The following IMMP2L variants were observed in gnomAD, a reference collection of about 807,000 sequenced individuals.
The protein encoded by IMMP2L is mitochondrial inner membrane protease subunit 2.
In IMMP2L, 18 loss-of-function variants were observed where a neutral mutation model predicts 19.3. The ratio of observed to expected loss-of-function variants is 0.93; its 90% CI spans 0.64 to 1.38. The LOEUF is 1.38. IMMP2L is among the 40% of genes most tolerant of loss of function. The pLI, the probability that IMMP2L is intolerant of heterozygous loss-of-function variation, is 0.00. For missense variants in IMMP2L, 233 were observed against 218.2 expected (o/e 1.07, Z -0.43); for synonymous variants, 76 against 73.0 (o/e 1.04, Z -0.21).
intron 5 of IMMP2L, among the ~76,000 whole-genome samples, chr7:110,731,226 A>T (rs1481854219): frequency 1.3e-5 from 2 of 152,196 alleles, no homozygotes; most frequent in Non-Finnish European, 2.9e-5. Context: ...AATCTAGAGA[A>T]ACCTATAAAA....
intron 3 of IMMP2L, among the ~76,000 whole-genome samples, chr7:110,990,932 T>C (rs1822385110): frequency 1.3e-5 from 2 of 152,198 alleles, no homozygotes; most frequent in Admixed American, 6.5e-5. Context: ...TTGGCACCTT[T>C]TATTAATAGC....
intron 3 of IMMP2L, among the ~76,000 whole-genome samples, chr7:111,086,871 A>C (rs777283940): frequency 5.9e-4 from 90 of 152,360 alleles, no homozygotes; most frequent in Non-Finnish European, 8.7e-4. Flanking sequence ...GTATAAAAGC[A>C]ACCACTGTCT....
At chr7:111,470,942 A>C (rs1841203841) in intron 3 of IMMP2L, among the ~76,000 whole-genome samples, 1 of 151,920 alleles carries the variant, frequency 6.6e-6, no homozygotes. Context: ...CAAAGCATAC[A>C]AAGCTAAAAC....
At chr7:111,079,625 T>C (rs1178980515) in intron 3 of IMMP2L, among the ~76,000 whole-genome samples, 1 of 152,188 alleles carries the variant, frequency 6.6e-6, no homozygotes, top group East Asian at 1.9e-4. Flanking sequence ...GTAAAGACCA[T>C]AACATTTTTA....
chr7:110,834,277 T>C (rs1389305794), intron 5 of IMMP2L, among the ~76,000 whole-genome samples: 1 of 152,116 alleles, frequency 6.6e-6, no homozygotes, highest in East Asian at 1.9e-4. Flanking sequence ...CACTTTCCCA[T>C]ACCAGCACAG....
At chr7:110,799,818 C>T (rs565072861) in intron 5 of IMMP2L, among the ~76,000 whole-genome samples, 2 of 152,158 alleles carry the variant, frequency 1.3e-5, no homozygotes, top group African/African-American at 2.4e-5. Context: ...GTCTGAATTA[C>T]GAATTCCACT....
intron 3 of IMMP2L, among the ~76,000 whole-genome samples, chr7:111,017,391 C>T (rs891312592): frequency 6.6e-6 from 1 of 151,964 alleles, no homozygotes; most frequent in African/African-American, 2.4e-5. Flanking sequence ...ATGGTCATTA[C>T]TTACTTTCCA....
At chr7:111,209,465 T>G (rs947987921) in intron 3 of IMMP2L, among the ~76,000 whole-genome samples, 1 of 151,996 alleles carries the variant, frequency 6.6e-6, no homozygotes, top group Non-Finnish European at 1.5e-5. Flanking sequence ...ATATGTAGTT[T>G]CAGCTAAGGT....
chr7:110,690,393 G>A (rs914575536), intron 5 of IMMP2L, among the ~76,000 whole-genome samples: 3 of 152,102 alleles, frequency 2.0e-5, no homozygotes, highest in Non-Finnish European at 2.9e-5. Flanking sequence ...TTCCTTTAAT[G>A]TTGTTATCTT....
intron 3 of IMMP2L, among the ~76,000 whole-genome samples, chr7:111,417,144 A>G (rs1369600241): frequency 6.6e-6 from 1 of 151,816 alleles, no homozygotes; most frequent in Non-Finnish European, 1.5e-5. Flanking sequence ...AGTTTACCAT[A>G]AAACTCATCA....
At chr7:111,055,126 C>T (rs1793385748) in intron 3 of IMMP2L, among the ~76,000 whole-genome samples, 1 of 151,782 alleles carries the variant, frequency 6.6e-6, no homozygotes. Flanking sequence ...TCACGTCTCA[C>T]TGCAGTCTCA....
intron 1 of IMMP2L, among the ~76,000 whole-genome samples, chr7:111,536,891 T>A (rs932278591): frequency 6.6e-6 from 1 of 152,096 alleles, no homozygotes; most frequent in Non-Finnish European, 1.5e-5. Context: ...TTATCATTAG[T>A]AGTACTATTA....
intron 3 of IMMP2L, among the ~76,000 whole-genome samples, chr7:111,086,129 T>C (rs1245920811): frequency 6.6e-6 from 1 of 151,708 alleles, no homozygotes; most frequent in Non-Finnish European, 1.5e-5. Flanking sequence ...AATAAAAGTA[T>C]TTAAAAAAAA....
chr7:111,230,883 T>C (rs1360488686), intron 3 of IMMP2L, among the ~76,000 whole-genome samples: 1 of 151,858 alleles, frequency 6.6e-6, no homozygotes, highest in African/African-American at 2.4e-5. Flanking sequence ...CTGAGGAAGG[T>C]GGATGATGAA....
At chr7:110,687,390 C>T (rs1414744612) in intron 5 of IMMP2L, among the ~76,000 whole-genome samples, 3 of 152,076 alleles carry the variant, frequency 2.0e-5, no homozygotes, top group African/African-American at 7.2e-5. Flanking sequence ...AATGCAGAAT[C>T]CATGTCTAAG....
At chr7:111,074,652 A>G (rs1324944265) in intron 3 of IMMP2L, among the ~76,000 whole-genome samples, 2 of 152,210 alleles carry the variant, frequency 1.3e-5, no homozygotes, top group Non-Finnish European at 2.9e-5. Flanking sequence ...CCAAAATTCT[A>G]ATGTTCTTCC....
chr7:111,550,085 A>G (rs1849311127), intron 1 of IMMP2L, among the ~76,000 whole-genome samples: 1 of 152,186 alleles, frequency 6.6e-6, no homozygotes, highest in Non-Finnish European at 1.5e-5. Flanking sequence ...TCAGTATTTA[A>G]ATCTGACACT....
At chr7:110,799,911 T>C (rs1181692217) in intron 5 of IMMP2L, among the ~76,000 whole-genome samples, 1 of 152,098 alleles carries the variant, frequency 6.6e-6, no homozygotes, top group Non-Finnish European at 1.5e-5. Context: ...AGCTCTACTG[T>C]AAATCACTCC....
At chr7:111,552,756 T>C (rs1790823595) in intron 1 of IMMP2L, among the ~76,000 whole-genome samples, 2 of 152,140 alleles carry the variant, frequency 1.3e-5, no homozygotes, top group South Asian at 4.1e-4. Flanking sequence ...TGTAATCCAC[T>C]CCCATACTGA....
Sources: gnomAD v4.1 joint callset for allele counts (sites outside exome capture counted in the v4.1 genomes callset) on GRCh38, gnomAD v4.1.1 for gene constraint, MANE v1.5 for transcripts, NCBI Gene and HGNC (gene_info 2026-07-23, HGNC 2026-07-21) for gene names.